Variants in ASTN2 observed in about 807,000 individuals in gnomAD.
ASTN2 encodes the protein astrotactin 2, also known as astrotactin-2.
A neutral mutation model predicts 139.8 loss-of-function variants in ASTN2; 54 were observed. That is an observed-to-expected ratio of 0.39 (90% confidence interval 0.31 to 0.48). ASTN2 has a LOEUF of 0.48. Among genes scored for constraint, ASTN2 ranks in the 20% least tolerant of loss-of-function variants. The probability of loss-of-function intolerance (pLI) is 0.95; values close to 1 mark genes in which losing one functional copy is unlikely to be tolerated. For synonymous variants in ASTN2, 756 were observed against 719.5 expected, an observed-to-expected ratio of 1.05 and a Z score of -0.81; for missense variants, 1,565 against 1,725.1, an observed-to-expected ratio of 0.91 and a Z score of 1.64.
At chr9:116,441,503 T>G (rs1038563659) in intron 21 of ASTN2, among the ~76,000 whole-genome samples, 4 of 152,080 alleles carry the variant, frequency 2.6e-5, no homozygotes, top group Admixed American at 2.6e-4. Context: ...CTACTCTGAT[T>G]TTTATTTGTA....
At chr9:116,714,292 G>A (rs1363835618) in intron 16 of ASTN2, among the ~76,000 whole-genome samples, 1 of 152,130 alleles carries the variant, frequency 6.6e-6, no homozygotes, top group Non-Finnish European at 1.5e-5. Flanking sequence ...ATTAGCCAGG[G>A]AGAAACAGCC....
intron 20 of ASTN2, among the ~76,000 whole-genome samples, chr9:116,475,928 C>T (rs1395907061): frequency 6.6e-6 from 1 of 152,212 alleles, no homozygotes; most frequent in East Asian, 1.9e-4. Context: ...TCTCGTCCCC[C>T]AGCCTGCTCA....
At chr9:117,367,894 C>T (rs1370044620) in intron 1 of ASTN2, among the ~76,000 whole-genome samples, 1 of 152,132 alleles carries the variant, frequency 6.6e-6, no homozygotes, top group African/African-American at 2.4e-5. Flanking sequence ...CGAGTTACCT[C>T]TGCAATGCCC....
chr9:116,740,804 G>A lies in ASTN2; in HGVS notation c.2397-7281C>T, dbSNP rs1018319830. Among the ~76,000 whole-genome samples the A allele has an allele frequency of 8.6e-5, 13 of 151,536 alleles. 1 individual carries two copies. The highest frequency in any genetic ancestry group is 2.7e-4 in the African/African-American group (11 of 41,192). On this transcript the variant is annotated intron_variant, in intron 13 of 22. Transcript: ENST00000313400. Reference sequence around the variant, plus strand: ...GCTGGGATTACAGGCGTGAACCACCGCGCCCGGCGGTAAAGTTATTTTTAA... The same window carrying A: ...GCTGGGATTACAGGCGTGAACCACCACGCCCGGCGGTAAAGTTATTTTTAA...
intron 19 of ASTN2, among the ~76,000 whole-genome samples, chr9:116,519,321 G>A (rs1850774275): frequency 6.6e-6 from 1 of 151,848 alleles, no homozygotes. Flanking sequence ...TCAGACCACA[G>A]TGAAGTAAAA....
chr9:117,295,438 T>C (rs949548971), intron 1 of ASTN2, among the ~76,000 whole-genome samples: 1 of 152,198 alleles, frequency 6.6e-6, no homozygotes, highest in Non-Finnish European at 1.5e-5. Flanking sequence ...AGAGACCTTG[T>C]GTGTCTTATT....
chr9:116,538,089 T>G (rs1219265060), intron 19 of ASTN2, among the ~76,000 whole-genome samples: 1 of 152,128 alleles, frequency 6.6e-6, no homozygotes, highest in Non-Finnish European at 1.5e-5. Context: ...CAATGCCTCC[T>G]AGTTGATGCT....
At chr9:117,177,427 GCA>G (rs764103124) in intron 3 of ASTN2, among the ~76,000 whole-genome samples, 2 of 152,190 alleles carry the variant, frequency 1.3e-5, no homozygotes, top group Non-Finnish European at 2.9e-5. Context: ...TGTCATCAAG[GCA>G]AAGTCAGCTT....
chr9:117,032,039 G>A (rs555089147), intron 6 of ASTN2, among the ~76,000 whole-genome samples: 1 of 152,262 alleles, frequency 6.6e-6, no homozygotes, highest in African/African-American at 2.4e-5. Flanking sequence ...CAGTTTTCAG[G>A]ACTGTGGCAG....
At chr9:116,855,491 T>C (rs997064799) in intron 11 of ASTN2, among the ~76,000 whole-genome samples, 1 of 152,236 alleles carries the variant, frequency 6.6e-6, no homozygotes, top group Non-Finnish European at 1.5e-5. Context: ...TCCTATGTCC[T>C]TTTCCAATAC....
intron 16 of ASTN2, among the ~76,000 whole-genome samples, chr9:116,710,838 A>G (rs889281300): frequency 6.6e-6 from 1 of 152,182 alleles, no homozygotes; most frequent in African/African-American, 2.4e-5. Context: ...ATGACGTTTA[A>G]TATTTAAACT....
chr9:116,647,806 G>C (rs566745324), intron 17 of ASTN2, among the ~76,000 whole-genome samples: 1 of 152,006 alleles, frequency 6.6e-6, no homozygotes, highest in Non-Finnish European at 1.5e-5. Context: ...CGAACCACTA[G>C]GTATTTTTAT....
intron 5 of ASTN2, among the ~76,000 whole-genome samples, chr9:117,091,165 G>A (rs1455695354): frequency 1.3e-5 from 2 of 152,186 alleles, no homozygotes; most frequent in African/African-American, 4.8e-5. Context: ...CCAGCAGGCA[G>A]GCATAAAGCG....
intron 19 of ASTN2, among the ~76,000 whole-genome samples, chr9:116,576,069 C>G (rs1009969811): frequency 1.3e-5 from 2 of 152,106 alleles, no homozygotes; most frequent in Non-Finnish European, 2.9e-5. Flanking sequence ...GCGCCCCACC[C>G]CTCTATTTGC....
intron 5 of ASTN2, among the ~76,000 whole-genome samples, chr9:117,080,385 C>G (rs1828394117): frequency 6.6e-6 from 1 of 152,044 alleles, no homozygotes; most frequent in South Asian, 2.1e-4. Flanking sequence ...TGGGCTCATT[C>G]TAATTTTTCA....
chr9:116,719,009 G>A (rs796343180), intron 16 of ASTN2, among the ~76,000 whole-genome samples: 116 of 50,112 alleles, frequency 2.3e-3, no homozygotes, highest in African/African-American at 8.2e-3. Flanking sequence ...TAAGTCTCTC[G>A]CTACATATCC....
chr9:116,916,448 C>T (rs1834450200), intron 10 of ASTN2, among the ~76,000 whole-genome samples: 1 of 152,114 alleles, frequency 6.6e-6, no homozygotes. Flanking sequence ...AACAGCTTGC[C>T]CAAGATCAGT....
rs114740123 is a variant in ASTN2 at position 117,372,277 on chromosome 9, C to T, written c.442+42220G>A. Reference sequence around the variant, plus strand: ...AATGCCCTTTGATCATTTACTGGCTCATTGAATCTTCCCCCAGAGGGTGAA... The same window carrying T: ...AATGCCCTTTGATCATTTACTGGCTTATTGAATCTTCCCCCAGAGGGTGAA... On this transcript the variant is annotated intron_variant, in intron 1 of 22. Coordinates refer to ENST00000313400, the MANE Select transcript of ASTN2 (RefSeq NM_001365068.1). 5.7e-3 allele frequency among the ~76,000 whole-genome samples: 868 copies of T among 152,244 alleles called. 5 individuals carry two copies. The highest frequency in any genetic ancestry group is 0.018 in the African/African-American group (745 of 41,560).
intron 20 of ASTN2, among the ~76,000 whole-genome samples, chr9:116,484,399 G>C (rs1383736584): frequency 3.3e-5 from 5 of 152,168 alleles, no homozygotes; most frequent in South Asian, 4.1e-4. Flanking sequence ...GCAGTATCAG[G>C]GTTCACACCC....
Sources: allele counts gnomAD v4.1 joint callset (sites outside exome capture counted in the v4.1 genomes callset), GRCh38; gene constraint gnomAD v4.1.1; transcripts MANE v1.5; gene names NCBI Gene and HGNC (gene_info 2026-07-23, HGNC 2026-07-21).